KLB: variants seen among roughly 807,000 people sequenced by gnomAD.
KLB encodes beta-klotho.
KLB carries 44 observed loss-of-function variants against 88.4 expected under a neutral mutation model. The ratio of observed to expected loss-of-function variants is 0.50; its 90% CI spans 0.39 to 0.64. The LOEUF (loss-of-function observed/expected upper bound fraction) is 0.64. KLB is among the 30% of genes least tolerant of loss of function. The probability of loss-of-function intolerance (pLI) is 0.00; values close to 1 mark genes in which losing one functional copy is unlikely to be tolerated. For missense variants in KLB, 1,137 were observed against 1,304.8 expected, an observed-to-expected ratio of 0.87 and a Z score of 1.98; for synonymous variants, 548 against 513.4, an observed-to-expected ratio of 1.07 and a Z score of -0.91.
intron 1 of KLB, among the ~76,000 whole-genome samples, chr4:39,416,609 C>T (rs1048582435): frequency 1.3e-5 from 2 of 151,978 alleles, no homozygotes; most frequent in East Asian, 1.9e-4. Context: ...AGTGAGACTT[C>T]GGTCTCTACA....
chr4:39,440,666 T>G (rs1289682687), intron 3 of KLB, among the ~76,000 whole-genome samples: 1 of 152,066 alleles, frequency 6.6e-6, no homozygotes, highest in African/African-American at 2.4e-5. Flanking sequence ...CGTGCAATTC[T>G]CCTGTCTCAG....
intron 4 of KLB, 136 bp from the exon 5 acceptor site, chr4:39,448,165 C>CAA (rs559950864): frequency 1.6e-6 from 1 of 617,392 alleles, no homozygotes; most frequent in African/African-American, 1.9e-5. Context: ...GAATAAATGT[C>CAA]AAAAAAAACC....
At chr4:39,419,600 C>A (rs1166560370) in intron 1 of KLB, among the ~76,000 whole-genome samples, 1 of 151,924 alleles carries the variant, frequency 6.6e-6, no homozygotes, top group Admixed American at 6.6e-5. Context: ...ATAGTGAAAC[C>A]TGTCTCTACT....
intron 2 of KLB, among the ~76,000 whole-genome samples, chr4:39,437,002 G>A (rs1290369752): frequency 1.3e-5 from 2 of 152,146 alleles, no homozygotes; most frequent in Admixed American, 6.6e-5. Flanking sequence ...GAGCCACTGC[G>A]CCCCGCCTGT....
chr4:39,417,546 C>T (rs1052575838), intron 1 of KLB, among the ~76,000 whole-genome samples: 8 of 152,058 alleles, frequency 5.3e-5, no homozygotes, highest in Non-Finnish European at 1.0e-4. Flanking sequence ...CTCCTAACCT[C>T]GGCCTCCCAA....
In KLB at chr4:39,446,905, G is replaced by C; in HGVS notation, c.2179G>C (p.Asp727His). ...VAHALAWRLY[D>H]RQFRPSQRGA... ...CCACGCCCTGGCCTGGCGCCTCTAC[G>C]ACCGGCAGTTCAGGCCCTCACAGCG... The change falls in exon 4 of 5, where the codon GAC becomes CAC. Residue 727 changes from aspartate to histidine, a missense_variant. By Grantham distance (81) the Asp-to-His change is moderately conservative (BLOSUM62 -1). Transcript: ENST00000257408. This position sits in a 1 kb window ranked among gnomAD's most constrained non-coding sequence, Gnocchi z 6.4. The C allele has an allele frequency of 6.2e-7, 1 of 1,606,410 alleles. No individual in the cohort carries two copies. Among genetic ancestry groups the C allele is most frequent in the Non-Finnish European group, 8.5e-7 (1 of 1,179,294 alleles).
At chr4:39,417,552 C>G (rs565635851) in intron 1 of KLB, among the ~76,000 whole-genome samples, 2 of 152,142 alleles carry the variant, frequency 1.3e-5, no homozygotes, top group South Asian at 4.2e-4. Context: ...ACCTCGGCCT[C>G]CCAAAATGCT....
intron 1 of KLB, among the ~76,000 whole-genome samples, chr4:39,421,156 G>A (rs574715265): frequency 2.5e-4 from 38 of 151,980 alleles, no homozygotes; most frequent in African/African-American, 7.7e-4. Flanking sequence ...TAAAGGCAGG[G>A]GCTACCTTGT....
At position 39,434,322 on chromosome 4, in the gene KLB, C is replaced by T. The variant is rs182015595; in HGVS notation, c.938C>T (p.Thr313Met). 133 of 1,614,150 alleles carry T rather than the reference C, an allele frequency of 8.2e-5. 1 individual carries two copies. In the East Asian group the frequency reaches 1.9e-3, roughly 23 times the overall value. ...HWIEPNRSEN[T>M]MDIFKCQQSM... is the part of the protein sequence containing the mutation. The stretch of plus-strand genomic sequence containing the variant: ...ATCGAGCCAAACCGGTCGGAAAACA[C>T]GATGGATATATTCAAATGTCAACAA... Residue 313 changes from threonine to methionine, a missense_variant, in exon 2 of 5, where the codon ACG (threonine) becomes ATG (methionine). This residue lies in a region of KLB where 597 missense variants were observed against 765.2 expected (regional missense o/e 0.78). Transcript: ENST00000257408.
intron 3 of KLB, among the ~76,000 whole-genome samples, chr4:39,444,089 G>A (rs1449324036): frequency 2.6e-5 from 4 of 151,968 alleles, no homozygotes; most frequent in African/African-American, 7.3e-5. Flanking sequence ...CCCGGGGGGC[G>A]GAGGTTTCAG....
chr4:39,418,695 C>A (rs1316298385), intron 1 of KLB, among the ~76,000 whole-genome samples: 1 of 151,530 alleles, frequency 6.6e-6, no homozygotes, highest in Non-Finnish European at 1.5e-5. Context: ...CCTCTGTAAT[C>A]CCAGCACTTT....
intron 1 of KLB, among the ~76,000 whole-genome samples, chr4:39,428,296 T>A (rs1743265069): frequency 6.6e-6 from 1 of 151,934 alleles, no homozygotes. Flanking sequence ...GGTGTGGTGA[T>A]GGGTGCCTGT....
At chr4:39,426,181 G>A (rs1296892605) in intron 1 of KLB, among the ~76,000 whole-genome samples, 1 of 151,848 alleles carries the variant, frequency 6.6e-6, no homozygotes, top group Non-Finnish European at 1.5e-5. Flanking sequence ...GAACCTGGGA[G>A]GTGGATGTTG....
At position 39,447,069 on chromosome 4, in the gene KLB, C is replaced by A. The variant is rs764156295; in HGVS notation, c.2343C>A (p.Asp781Glu). ...CCGAGCCGCTCTTCAAGACCGGGGA[C>A]TACCCCGCGGCCATGAGGGAATACA... The part of the protein sequence containing the change: ...WFAEPLFKTG[D>E]YPAAMREYIA... The change falls in exon 4 of 5, where the codon GAC becomes GAA. Residue 781 changes from aspartate (D) to glutamate (E), a missense_variant. This residue lies in a region of KLB where 426 missense variants were observed against 404.6 expected (regional missense o/e 1.05). Transcript: ENST00000257408. 1 of 1,612,934 alleles carries A rather than the reference C, an allele frequency of 6.2e-7. No homozygotes were observed. The highest frequency in any genetic ancestry group is 1.1e-5 in the South Asian group (1 of 91,074).
chr4:39,445,504 C>CTTTTT (rs10634518), intron 3 of KLB, among the ~76,000 whole-genome samples: 17 of 131,704 alleles, frequency 1.3e-4, no homozygotes, highest in East Asian at 4.4e-4. Context: ...CTTTTCTTTT[C>CTTTTT]TTTTTTTTTT....
At chr4:39,426,428 AAAAAAAAAAAG>A (rs1337794873) in intron 1 of KLB, among the ~76,000 whole-genome samples, 2 of 147,088 alleles carry the variant, frequency 1.4e-5, no homozygotes, top group Admixed American at 7.1e-5. Context: ...AAAAAAAAAA[AAAAAAAAAAAG>A]GGCCATGAAA....
chr4:39,439,829 G>A (rs1195119038), intron 3 of KLB, among the ~76,000 whole-genome samples: 1 of 151,952 alleles, frequency 6.6e-6, no homozygotes, highest in Non-Finnish European at 1.5e-5. Flanking sequence ...CACCACTCCT[G>A]GCTAATTTTT....
chr4:39,425,113 T>C (rs545341760), intron 1 of KLB, among the ~76,000 whole-genome samples: 1 of 152,346 alleles, frequency 6.6e-6, no homozygotes, highest in Non-Finnish European at 1.5e-5. Context: ...AAAGATGGCA[T>C]GCAAATGCTC....
chr4:39,448,707 G>C lies in KLB; in HGVS notation c.*21G>C, dbSNP rs377571125. On this transcript the variant is annotated 3_prime_UTR_variant, in exon 5 of 5. Coordinates refer to ENST00000257408, the MANE Select transcript of KLB (RefSeq NM_175737.4). ...GCTAAACTGATCTGTCTGCATGATAGACAGTTTAAAAATTCATCCCAGTTC... is the reference window on the plus strand; with the variant it reads ...GCTAAACTGATCTGTCTGCATGATACACAGTTTAAAAATTCATCCCAGTTC... 139 of 1,586,792 alleles carry C rather than the reference G, an allele frequency of 8.8e-5. 1 individual carries two copies. Among genetic ancestry groups the C allele is most frequent in the Admixed American group, 7.0e-5 (4 of 57,432 alleles).
Sources: gnomAD v4.1 joint callset for allele counts (sites outside exome capture counted in the v4.1 genomes callset) on GRCh38, gnomAD v4.1.1 for gene constraint, gnomAD v4.1.1 regional missense constraint, Gnocchi (gnomAD v3.1) non-coding constraint, MANE v1.5 for transcripts, NCBI Gene and HGNC (gene_info 2026-07-23, HGNC 2026-07-21) for gene names.